The following DEGS2 variants were observed in gnomAD, a reference collection of about 807,000 sequenced individuals.
DEGS2 encodes the protein sphingolipid delta(4)-desaturase/C4-monooxygenase DES2.
In DEGS2, 19 loss-of-function variants were observed where a neutral mutation model predicts 23.8. That is an observed-to-expected ratio of 0.80 (90% CI 0.56 to 1.17). The LOEUF is 1.17. Ranked by LOEUF, DEGS2 falls within the 50% of genes most tolerant of loss-of-function variation. The pLI, the probability that DEGS2 is intolerant of heterozygous loss-of-function variation, is 0.00. For missense variants in DEGS2, 390 were observed against 459.5 expected (o/e 0.85, Z 1.38); for synonymous variants, 218 against 213.7 (o/e 1.02, Z -0.18).
chr14:100,165,297 T>G, the DEGS2 span, among the ~76,000 whole-genome samples: 1 of 152,250 alleles, frequency 6.6e-6, no homozygotes, highest in Non-Finnish European at 1.5e-5. Context: ...CACCCTGCCT[T>G]GACTGTTTCT....
At chr14:100,161,185 C>G (rs578227582), upstream of DEGS2, among the ~76,000 whole-genome samples, 1 of 152,358 alleles carries the variant, frequency 6.6e-6, no homozygotes, top group South Asian at 2.1e-4. Flanking sequence ...CTGTGTTGAA[C>G]TCCGTGAGAT....
chr14:100,149,547 G>A lies in DEGS2; in HGVS notation c.246C>T (p.His82=). ...WAYAFGGCVN[H]SLTLAIHDIS... is the part of the protein sequence containing the mutation. ...TGTCGTGGATGGCCAGCGTCAGCGA[G>A]TGGTTCACGCAGCCACCAAAGGCGT... is the stretch of plus-strand genomic sequence containing the variant. Residue 82 remains histidine (H), a synonymous_variant, in exon 2 of 3, where the codon CAC becomes CAT. Transcript: ENST00000305631. 1 of 1,606,564 alleles carries A rather than the reference G, an allele frequency of 6.2e-7. No individual in the cohort carries two copies. Among genetic ancestry groups the A allele is most frequent in the Middle Eastern group, 1.7e-4 (1 of 6,060 alleles).
chr14:100,166,353 G>GGGGGGAGGCTGCCCGGGGCTGT, the DEGS2 span, among the ~76,000 whole-genome samples: 1 of 41,444 alleles, frequency 2.4e-5, no homozygotes, highest in Non-Finnish European at 7.4e-5. Flanking sequence ...CCGGGGCTGT[G>GGGGGGAGGCTGCCCGGGGCTGT]GGGGGAGCCT....
chr14:100,151,305 T>C (rs1889567735), intron 1 of DEGS2, among the ~76,000 whole-genome samples: 1 of 152,246 alleles, frequency 6.6e-6, no homozygotes, highest in Admixed American at 6.5e-5. Flanking sequence ...CTTGGGGCGA[T>C]GGCCTGGCCC....
chr14:100,153,411 G>T (rs1378025595), intron 1 of DEGS2, among the ~76,000 whole-genome samples: 5 of 152,262 alleles, frequency 3.3e-5, no homozygotes, highest in African/African-American at 1.2e-4. Context: ...CAGGGAGAAT[G>T]GGTGGGGCTG....
chr14:100,154,086 T>G (rs943120844), intron 1 of DEGS2, among the ~76,000 whole-genome samples: 15 of 152,154 alleles, frequency 9.9e-5, no homozygotes, highest in African/African-American at 3.4e-4. Flanking sequence ...GGATCAGATC[T>G]GGGCGCAGTG....
In DEGS2 at chr14:100,146,256, C is replaced by A; in HGVS notation, c.*505G>T. On this transcript the variant is annotated 3_prime_UTR_variant, in exon 3 of 3. Transcript: ENST00000305631. ...CCTGAGGGAGCACTGCCAGCAGCAG[C>A]CACCGTCCCACAAAGAGCCAGGAGT... is the stretch of plus-strand genomic sequence containing the variant. The A allele has an allele frequency of 6.3e-6, 1 of 158,854 alleles. No individual in the cohort carries two copies. Among genetic ancestry groups the A allele is most frequent in the Non-Finnish European group, 1.4e-5 (1 of 72,770 alleles). 9.8% of individuals were successfully genotyped at this position (158,854 alleles called of 1,614,324 possible). A position where few individuals can be genotyped will look rare whatever the true frequency, so the allele number is the denominator to read the frequency against.
intron 2 of DEGS2, among the ~76,000 whole-genome samples, chr14:100,147,658 G>T (rs865928702): frequency 2.6e-3 from 212 of 81,274 alleles, no homozygotes; most frequent in Middle Eastern, 7.4e-3. Context: ...TGCCCTCCCT[G>T]CCCCCCCCCC....
chr14:100,166,358 GA>G, the DEGS2 span, among the ~76,000 whole-genome samples: 7 of 112,904 alleles, frequency 6.2e-5, no homozygotes, highest in East Asian at 3.0e-4. Context: ...GCTGTGGGGG[GA>G]GCCTGCCCGG....
At chr14:100,166,427 C>T in the DEGS2 span, among the ~76,000 whole-genome samples, 3 of 151,630 alleles carry the variant, frequency 2.0e-5, no homozygotes, top group Admixed American at 6.6e-5. Context: ...CCCCCGCCCC[C>T]ACAGGGACCT....
At position 100,144,185 on chromosome 14, in the gene DEGS2, C is replaced by T. The variant is rs377656813; in HGVS notation, c.*2576G>A. 29 of 184,738 alleles carry T rather than the reference C, an allele frequency of 1.6e-4. 2 individuals carry two copies. The highest frequency in any genetic ancestry group is 8.3e-4 in the South Asian group (7 of 8,478). The allele number at this position is 184,738 out of a possible 1,614,324, so 11.4% of individuals were successfully genotyped here. Reference sequence around the variant, plus strand: ...CGCTCATGGTGTTGAAACTGTCTGTCATGCACCACGGTGTCTGTGTCCACA... The same window carrying T: ...CGCTCATGGTGTTGAAACTGTCTGTTATGCACCACGGTGTCTGTGTCCACA... On this transcript the variant is annotated 3_prime_UTR_variant, in exon 3 of 3. Coordinates refer to ENST00000305631, the MANE Select transcript of DEGS2 (RefSeq NM_206918.3).
At chr14:100,162,294 C>T (rs1012027572), upstream of DEGS2, among the ~76,000 whole-genome samples, 8 of 150,916 alleles carry the variant, frequency 5.3e-5, no homozygotes, top group Non-Finnish European at 2.9e-5. Context: ...TGCAGTGAGC[C>T]GAGTTTGCGC....
intron 1 of DEGS2, among the ~76,000 whole-genome samples, chr14:100,157,521 C>T (rs984286821): frequency 6.6e-6 from 1 of 152,194 alleles, no homozygotes; most frequent in Non-Finnish European, 1.5e-5. Context: ...GAGGGAGGGT[C>T]AGATGACCCC....
Position 100,146,730 on chromosome 14 carries a change from A to C in DEGS2, c.*31T>G, listed in dbSNP as rs764799394. 6.2e-7 allele frequency: 1 copy of C among 1,609,238 alleles called. No homozygotes were observed. Among genetic ancestry groups the C allele is most frequent in the East Asian group, 2.2e-5 (1 of 44,806 alleles). On this transcript the variant is annotated 3_prime_UTR_variant, in exon 3 of 3. Coordinates refer to ENST00000305631, the MANE Select transcript of DEGS2 (RefSeq NM_206918.3). ...TGCAAGGCTGAGGGGCCGATGGGGG[A>C]CAATGGCCACCACCAGGAGGCAGCC... is the stretch of plus-strand genomic sequence containing the variant.
intron 1 of DEGS2, among the ~76,000 whole-genome samples, chr14:100,150,719 C>T (rs1379584087): frequency 1.3e-5 from 2 of 152,162 alleles, no homozygotes; most frequent in South Asian, 2.1e-4. Flanking sequence ...CCTGTGCAGC[C>T]GCCTTTCAGG....
At chr14:100,148,213 G>A (rs1416802934) in intron 2 of DEGS2, among the ~76,000 whole-genome samples, 2 of 152,178 alleles carry the variant, frequency 1.3e-5, no homozygotes, top group Non-Finnish European at 2.9e-5. Context: ...AAATGCCTGC[G>A]CACGTGGGCA....
At chr14:100,166,794 C>T in the DEGS2 span, among the ~76,000 whole-genome samples, 2 of 152,182 alleles carry the variant, frequency 1.3e-5, no homozygotes, top group Non-Finnish European at 2.9e-5. Flanking sequence ...ATGTTACCCA[C>T]CTCGAGATCC....
rs376994177 is a variant in DEGS2, at chr14:100,146,953, C to T, written c.826-46G>A. On this transcript the variant is annotated intron_variant, in intron 2 of 2. Transcript: ENST00000305631. ...CTCAGGGGCTGGTTCTCCTCGGGGC[C>T]GCACCCGCGAGCACACACGCAGACA... 2,407 of 1,586,956 alleles carry T rather than the reference C, an allele frequency of 1.5e-3. 16 individuals carry two copies. The highest frequency in any genetic ancestry group is 9.1e-3 in the South Asian group (798 of 87,330).
At chr14:100,153,310 A>ATAGATAATAGATG (rs1555365203) in intron 1 of DEGS2, among the ~76,000 whole-genome samples, 1 of 150,794 alleles carries the variant, frequency 6.6e-6, no homozygotes, top group African/African-American at 2.4e-5. Flanking sequence ...TAGATAATAG[A>ATAGATAATAGATG]TGTGAGAGAT....
Sources: allele counts gnomAD v4.1 joint callset (sites outside exome capture counted in the v4.1 genomes callset), GRCh38; gene constraint gnomAD v4.1.1; transcripts MANE v1.5; gene names NCBI Gene and HGNC (gene_info 2026-07-23, HGNC 2026-07-21).